PAWR: variants seen among roughly 807,000 people sequenced by gnomAD.
The protein encoded by PAWR is PRKC apoptosis WT1 regulator protein.
In PAWR, 23 loss-of-function variants were observed where a neutral mutation model predicts 32.0. The ratio of observed to expected loss-of-function variants is 0.72; its 90% CI spans 0.52 to 1.02. PAWR has a LOEUF of 1.02. Ranked by LOEUF, PAWR falls within the 50% of genes least tolerant of loss-of-function variation. PAWR has a pLI of 0.00. For missense variants in PAWR, 457 were observed against 437.7 expected (o/e 1.04, Z -0.39); for synonymous variants, 226 against 187.1 (o/e 1.21, Z -1.70).
At chr12:79,617,946 T>C (rs1043899996) in intron 3 of PAWR, among the ~76,000 whole-genome samples, 2 of 152,126 alleles carry the variant, frequency 1.3e-5, no homozygotes, top group African/African-American at 4.8e-5. Flanking sequence ...CTTTCCTCCA[T>C]GAGTAGCTCC....
At chr12:79,648,559 G>A (rs1163716293) in intron 2 of PAWR, among the ~76,000 whole-genome samples, 2 of 150,420 alleles carry the variant, frequency 1.3e-5, no homozygotes, top group South Asian at 4.2e-4. Flanking sequence ...AAGGCGGGGG[G>A]ATCGCTTGAG....
Position 79,650,632 on chromosome 12 carries a change from G to C in PAWR, c.517-29425C>G, listed in dbSNP as rs538183450. On this transcript the variant is annotated intron_variant, in intron 2 of 6. Coordinates refer to ENST00000328827, the MANE Select transcript of PAWR (RefSeq NM_002583.4). ...CTGTTGTTGTAGACCAAAATCTATCGGTCACAGACAATATATGAACAGGTG... is the reference window on the plus strand; with the variant it reads ...CTGTTGTTGTAGACCAAAATCTATCCGTCACAGACAATATATGAACAGGTG... Among the ~76,000 whole-genome samples the C allele has an allele frequency of 3.3e-5, 5 of 150,426 alleles. No homozygotes were observed. In the East Asian group the frequency reaches 7.8e-4, roughly 24 times the overall value.
intron 2 of PAWR, among the ~76,000 whole-genome samples, chr12:79,667,765 T>C (rs1001651004): frequency 3.3e-5 from 5 of 152,298 alleles, no homozygotes; most frequent in African/African-American, 1.2e-4. Context: ...ATATCCAGTA[T>C]TGCCTCAAAA....
intron 2 of PAWR, among the ~76,000 whole-genome samples, chr12:79,671,917 T>G (rs1877921248): frequency 6.6e-6 from 1 of 152,096 alleles, no homozygotes; most frequent in African/African-American, 2.4e-5. Flanking sequence ...ATAAAAATAT[T>G]AAAAAGCTAT....
At chr12:79,619,981 A>G (rs768119887) in intron 3 of PAWR, among the ~76,000 whole-genome samples, 3 of 152,248 alleles carry the variant, frequency 2.0e-5, no homozygotes, top group Non-Finnish European at 2.9e-5. Context: ...ATAAACAAGT[A>G]TAACAGCATA....
intron 2 of PAWR, among the ~76,000 whole-genome samples, chr12:79,632,344 TATA>T (rs1875726186): frequency 1.6e-5 from 1 of 63,988 alleles, no homozygotes; most frequent in African/African-American, 1.8e-4. Flanking sequence ...TATATATATA[TATA>T]TATATATATA....
Position 79,660,132 on chromosome 12 carries a change from T to A in PAWR, c.516+29597A>T, listed in dbSNP as rs536086111. 1.1e-3 allele frequency among the ~76,000 whole-genome samples: 170 copies of A among 152,318 alleles called. 1 individual carries two copies. The highest frequency in any genetic ancestry group is 6.8e-3 in the Middle Eastern group (2 of 294). On this transcript the variant is annotated intron_variant, in intron 2 of 6. Coordinates refer to ENST00000328827, the MANE Select transcript of PAWR (RefSeq NM_002583.4). Reference sequence around the variant, plus strand: ...CACAGACATTGTCGGTTATAAATGTTAACAGTACTTGGAGCTTTCCAATCA... The same window carrying A: ...CACAGACATTGTCGGTTATAAATGTAAACAGTACTTGGAGCTTTCCAATCA...
rs1263094624 is a variant in PAWR, at chr12:79,586,313, T to C, written c.*6294A>G. The stretch of plus-strand genomic sequence containing the variant: ...AATCATGATTTACGTTTTTCAAATG[T>C]GGATTTCTTAGGCCTTTGACTGATA... On this transcript the variant is annotated 3_prime_UTR_variant, in exon 7 of 7. Coordinates refer to ENST00000328827, the MANE Select transcript of PAWR (RefSeq NM_002583.4). 6.6e-6 allele frequency: 1 copy of C among 152,654 alleles called. No homozygotes were observed. The highest frequency in any genetic ancestry group is 1.5e-5 in the Non-Finnish European group (1 of 68,040). 9.5% of individuals were successfully genotyped at this position (152,654 alleles called of 1,614,324 possible). A position where few individuals can be genotyped will look rare whatever the true frequency, so the allele number is the denominator to read the frequency against.
intron 4 of PAWR, among the ~76,000 whole-genome samples, chr12:79,611,797 T>C (rs544580058): frequency 1.1e-3 from 167 of 152,206 alleles, no homozygotes; most frequent in African/African-American, 3.6e-3. Flanking sequence ...CATGGACATA[T>C]CACAAGTAAT....
At chr12:79,645,572 T>C (rs979019765) in intron 2 of PAWR, among the ~76,000 whole-genome samples, 19 of 152,198 alleles carry the variant, frequency 1.2e-4, no homozygotes, top group African/African-American at 4.6e-4. Flanking sequence ...GAGTCCAGTT[T>C]CTCTGCAGCT....
At chr12:79,602,555 T>C (rs1874004474) in intron 4 of PAWR, among the ~76,000 whole-genome samples, 1 of 151,968 alleles carries the variant, frequency 6.6e-6, no homozygotes, top group African/African-American at 2.4e-5. Flanking sequence ...GGTGAATGAA[T>C]GGATAAGGGC....
In PAWR at chr12:79,690,159, T is replaced by G; in HGVS notation, c.86A>C (p.Lys29Thr). Reference protein sequence around the residue: ...FLEEWKAKREKMRAKQNPPGP... With the variant: ...FLEEWKAKRETMRAKQNPPGP... ...CGGGGGGTTCTGCTTGGCGCGCATC[T>G]TCTCGCGTTTCGCCTTCCACTCCTC... Residue 29 changes from lysine (K) to threonine (T), a missense_variant, in exon 2 of 7, where the codon AAG becomes ACG. Coordinates refer to ENST00000328827, the MANE Select transcript of PAWR (RefSeq NM_002583.4). The G allele has an allele frequency of 6.5e-7, 1 of 1,527,626 alleles. No individual in the cohort carries two copies. The highest frequency in any genetic ancestry group is 8.8e-7 in the Non-Finnish European group (1 of 1,140,548). The allele number at this position is 1,527,626 out of a possible 1,614,324, so 94.6% of individuals were successfully genotyped here.
chr12:79,673,359 G>A (rs917016011), intron 2 of PAWR, among the ~76,000 whole-genome samples: 11 of 152,132 alleles, frequency 7.2e-5, no homozygotes, highest in South Asian at 4.1e-4. Flanking sequence ...ATGAGCCACC[G>A]CGCCCGGCCC....
At chr12:79,658,903 C>T (rs1232686027) in intron 2 of PAWR, among the ~76,000 whole-genome samples, 1 of 151,644 alleles carries the variant, frequency 6.6e-6, no homozygotes, top group Non-Finnish European at 1.5e-5. Context: ...TCAAGTGATC[C>T]ACCCACCTCA....
intron 2 of PAWR, among the ~76,000 whole-genome samples, chr12:79,660,261 T>C (rs187696947): frequency 6.6e-6 from 1 of 152,162 alleles, no homozygotes; most frequent in African/African-American, 2.4e-5. Context: ...AAAATCCTTT[T>C]TCCTAGGGCA....
chr12:79,606,631 TC>T (rs1874196568), intron 4 of PAWR, among the ~76,000 whole-genome samples: 1 of 152,078 alleles, frequency 6.6e-6, no homozygotes, highest in South Asian at 2.1e-4. Context: ...AACCCTATGT[TC>T]GAAAAAAATC....
chr12:79,619,618 C>T lies in PAWR; in HGVS notation c.648+1458G>A, dbSNP rs1874905683. On this transcript the variant is annotated intron_variant, in intron 3 of 6. Transcript: ENST00000328827. ...AACTCCCTTTGATATGGGGGTACTG[C>T]TATACTAGTATCATTGAAACGGCTT... Among the ~76,000 whole-genome samples, 4 of 152,236 alleles carry T rather than the reference C, an allele frequency of 2.6e-5. No homozygotes were observed. The South Asian group carries it at 8.3e-4, about 32-fold the overall frequency.
rs1425891067 is a variant in PAWR, at chr12:79,638,573, TGTGTA to T, written c.517-17371_517-17367del. 7.9e-5 allele frequency among the ~76,000 whole-genome samples: 12 copies of T among 152,058 alleles called. No homozygotes were observed. In the South Asian group the frequency reaches 2.3e-3, roughly 29 times the overall value. On this transcript the variant is annotated intron_variant, in intron 2 of 6. Coordinates refer to ENST00000328827, the MANE Select transcript of PAWR (RefSeq NM_002583.4). ...TTAACTAATCTCATATTTAATTTGTTGTGTAGTGAAGTTGGACTCTACTGGTTTCT... is the reference window on the plus strand; with the variant it reads ...TTAACTAATCTCATATTTAATTTGTTGTGAAGTTGGACTCTACTGGTTTCT...
At chr12:79,670,298 G>A (rs963357680) in intron 2 of PAWR, among the ~76,000 whole-genome samples, 1 of 152,126 alleles carries the variant, frequency 6.6e-6, no homozygotes, top group African/African-American at 2.4e-5. Context: ...AAGGCTGGTT[G>A]GTTGGTTGAA....
Sources: allele counts gnomAD v4.1 joint callset (sites outside exome capture counted in the v4.1 genomes callset), GRCh38; gene constraint gnomAD v4.1.1; transcripts MANE v1.5; gene names NCBI Gene and HGNC (gene_info 2026-07-23, HGNC 2026-07-21).